XPR1: variants seen among roughly 807,000 people sequenced by gnomAD.
XPR1 encodes solute carrier family 53 member 1.
A neutral mutation model predicts 87.5 loss-of-function variants in XPR1; 28 were observed. That is an observed-to-expected ratio of 0.32 (90% CI 0.24 to 0.44). XPR1 has a LOEUF of 0.44. Among genes scored for constraint, XPR1 ranks in the 20% least tolerant of loss-of-function variants. The probability of loss-of-function intolerance (pLI) is 1.00; values close to 1 mark genes in which losing one functional copy is unlikely to be tolerated. For synonymous variants in XPR1, 300 were observed against 306.1 expected, an observed-to-expected ratio of 0.98 and a Z score of 0.21; for missense variants, 559 against 862.3, an observed-to-expected ratio of 0.65 and a Z score of 4.41.
intron 11 of XPR1, among the ~76,000 whole-genome samples, chr1:180,837,995 C>A (rs1002051915): frequency 6.6e-6 from 1 of 152,018 alleles, no homozygotes; most frequent in Admixed American, 6.6e-5. Flanking sequence ...CTGCAGTTGA[C>A]GCCTGAACAG....
intron 2 of XPR1, among the ~76,000 whole-genome samples, chr1:180,727,154 C>T (rs1048713977): frequency 2.0e-5 from 3 of 152,044 alleles, no homozygotes; most frequent in Non-Finnish European, 2.9e-5. Flanking sequence ...TGAGCCACCG[C>T]GCCTGGCTTG....
chr1:180,861,979 A>C (rs981575595), intron 11 of XPR1, among the ~76,000 whole-genome samples: 4 of 152,114 alleles, frequency 2.6e-5, no homozygotes, highest in Non-Finnish European at 5.9e-5. Context: ...AAAAGCAAAA[A>C]TTAATAAAAT....
chr1:180,826,837 C>T (rs1650861693), intron 9 of XPR1, among the ~76,000 whole-genome samples: 1 of 151,756 alleles, frequency 6.6e-6, no homozygotes, highest in South Asian at 2.1e-4. Flanking sequence ...AATCTGAAGA[C>T]ATAAAATATG....
intron 9 of XPR1, 54 bp from the exon 10 acceptor site, chr1:180,834,820 C>T (rs2102167391): frequency 6.5e-7 from 1 of 1,547,446 alleles, no homozygotes; most frequent in Non-Finnish European, 8.7e-7. Flanking sequence ...GAAATGGAGA[C>T]ATTTAATACG....
chr1:180,690,320 T>C (rs1656935526), intron 2 of XPR1, among the ~76,000 whole-genome samples: 1 of 152,200 alleles, frequency 6.6e-6, no homozygotes, highest in Admixed American at 6.5e-5. Context: ...TAGCTTTTAC[T>C]GAACATGAAA....
At chr1:180,848,345 T>A (rs1651757763) in intron 11 of XPR1, among the ~76,000 whole-genome samples, 1 of 152,164 alleles carries the variant, frequency 6.6e-6, no homozygotes, top group Non-Finnish European at 1.5e-5. Flanking sequence ...TCTTGTAACC[T>A]CTGTTGGACT....
At chr1:180,696,178 G>A (rs1657160431) in intron 2 of XPR1, among the ~76,000 whole-genome samples, 1 of 100,232 alleles carries the variant, frequency 1.0e-5, no homozygotes, top group Non-Finnish European at 1.9e-5. Context: ...GTGTGTGTGT[G>A]TGTGTGTGTG....
intron 11 of XPR1, 105 bp downstream of exon 11, chr1:180,836,821 T>C: frequency 1.5e-6 from 2 of 1,355,180 alleles, no homozygotes; most frequent in Non-Finnish European, 2.0e-6. Context: ...CTCTTTTTTT[T>C]CCACTGAAAT....
Position 180,873,929 on chromosome 1 carries a change from C to T in XPR1, c.1795C>T (p.Leu599Phe). ...GDIIATVFAPLEVFRRFVWNF... is the reference protein window; with the variant it reads ...GDIIATVFAPFEVFRRFVWNF... Reference sequence around the variant, plus strand: ...CATCATTGCTACTGTCTTTGCCCCACTTGAGGTTTTCCGGTAAGCAAACTA... The same window carrying T: ...CATCATTGCTACTGTCTTTGCCCCATTTGAGGTTTTCCGGTAAGCAAACTA... The change falls in exon 13 of 15, where the codon CTT becomes TTT. Residue 599 changes from leucine to phenylalanine, a missense_variant. This residue lies in a region of XPR1 where 264 missense variants were observed against 377.2 expected (regional missense o/e 0.70). Coordinates refer to ENST00000367590, the MANE Select transcript of XPR1 (RefSeq NM_004736.4). 1 of 1,612,842 alleles carries T rather than the reference C, an allele frequency of 6.2e-7. No individual in the cohort carries two copies. The highest frequency in any genetic ancestry group is 8.5e-7 in the Non-Finnish European group (1 of 1,179,626).
At chr1:180,686,714 G>A (rs1656792437) in intron 2 of XPR1, among the ~76,000 whole-genome samples, 1 of 152,068 alleles carries the variant, frequency 6.6e-6, no homozygotes, top group Admixed American at 6.6e-5. Context: ...ACCTTTATAA[G>A]ACACCAAATT....
chr1:180,767,291 A>G (rs954133043), intron 2 of XPR1, among the ~76,000 whole-genome samples: 2 of 152,242 alleles, frequency 1.3e-5, no homozygotes, highest in African/African-American at 4.8e-5. Flanking sequence ...AAACCATTAT[A>G]GTAGGAAGCT....
intron 2 of XPR1, among the ~76,000 whole-genome samples, chr1:180,725,936 G>T (rs1658321915): frequency 6.6e-6 from 1 of 152,156 alleles, no homozygotes; most frequent in Non-Finnish European, 1.5e-5. Flanking sequence ...ATTATTATGA[G>T]AATTAAATGA....
intron 2 of XPR1, among the ~76,000 whole-genome samples, chr1:180,692,018 C>T (rs1657010548): frequency 6.6e-6 from 1 of 152,070 alleles, no homozygotes; most frequent in African/African-American, 2.4e-5. Context: ...CCAGTTTCCA[C>T]TTTGTTATCC....
intron 1 of XPR1, among the ~76,000 whole-genome samples, chr1:180,658,586 C>T (rs755802068): frequency 5.3e-5 from 8 of 151,992 alleles, no homozygotes; most frequent in Non-Finnish European, 7.4e-5. Context: ...TGTTTTGAGA[C>T]GGAGTCTCGC....
chr1:180,777,494 C>G (rs1023442773), intron 2 of XPR1, among the ~76,000 whole-genome samples: 4 of 152,128 alleles, frequency 2.6e-5, no homozygotes, highest in Non-Finnish European at 5.9e-5. Context: ...TTTTGCTTAT[C>G]GCTGTATCCC....
In XPR1 at chr1:180,796,039, A is replaced by G. The variant is rs1649562297; in HGVS notation, c.224-7349A>G. Among the ~76,000 whole-genome samples the G allele has an allele frequency of 3.9e-5, 6 of 152,110 alleles. No homozygotes were observed. The South Asian group carries it at 8.3e-4, about 21-fold the overall frequency. On this transcript the variant is annotated intron_variant, in intron 3 of 14. Transcript: ENST00000367590. ...GACTAGGCTGGTCTTAAACCTCCTG[A>G]CCTCGTGATCCACTCACCTCGGCCT...
In XPR1 at chr1:180,632,026, A is replaced by AGAG. The variant is rs1293224320; in HGVS notation, c.-167_-165dup. ...AGGGCGGGGAGGGGCGGGGCTATGG[A>AGAG]GAGGAGGAGGAAGATGGCGGGCGGG... is the stretch of plus-strand genomic sequence containing the variant. On this transcript the variant is annotated 5_prime_UTR_variant, in exon 1 of 15. Transcript: ENST00000367590. 6 of 701,858 alleles carry AGAG rather than the reference A, an allele frequency of 8.5e-6. No homozygotes were observed. Among genetic ancestry groups the AGAG allele is most frequent in the South Asian group, 1.7e-5 (1 of 60,242 alleles). 43.5% of individuals were successfully genotyped at this position (701,858 alleles called of 1,614,324 possible). A position where few individuals can be genotyped will look rare whatever the true frequency, so the allele number is the denominator to read the frequency against.
chr1:180,840,300 G>A (rs1651460523), intron 11 of XPR1, among the ~76,000 whole-genome samples: 1 of 150,072 alleles, frequency 6.7e-6, no homozygotes, highest in South Asian at 2.1e-4. Flanking sequence ...GTCACCTTTA[G>A]AAATGGAAAT....
At position 180,884,414 on chromosome 1, in the gene XPR1, G is replaced by A. The variant is rs1051919294; in HGVS notation, c.*348G>A. The A allele has an allele frequency of 2.2e-5, 4 of 182,326 alleles. No individual in the cohort carries two copies. The highest frequency in any genetic ancestry group is 9.5e-5 in the African/African-American group (4 of 42,160). 11.3% of individuals were successfully genotyped at this position (182,326 alleles called of 1,614,324 possible). A position where few individuals can be genotyped will look rare whatever the true frequency, so the allele number is the denominator to read the frequency against. ...AGGCATTGCAAGGACCCTCTGATGG[G>A]ACGGTACTGAGATATCTCGGCTTCC... On this transcript the variant is annotated 3_prime_UTR_variant, in exon 15 of 15. Coordinates refer to ENST00000367590, the MANE Select transcript of XPR1 (RefSeq NM_004736.4).
Sources: gnomAD v4.1 joint callset for allele counts (sites outside exome capture counted in the v4.1 genomes callset) on GRCh38, gnomAD v4.1.1 for gene constraint, gnomAD v4.1.1 regional missense constraint, MANE v1.5 for transcripts, NCBI Gene and HGNC (gene_info 2026-07-23, HGNC 2026-07-21) for gene names.